The following SLIT3 variants were observed in gnomAD, a reference collection of about 807,000 sequenced individuals.
The protein encoded by SLIT3 is slit guidance ligand 3.
In SLIT3, 68 loss-of-function variants were observed where a neutral mutation model predicts 184.0. That is an observed-to-expected ratio of 0.37 (90% confidence interval 0.30 to 0.45). The LOEUF is 0.45. SLIT3 is among the 20% of genes least tolerant of loss of function. SLIT3 has a pLI of 1.00. For synonymous variants in SLIT3, 831 were observed against 828.6 expected (o/e 1.00, Z -0.05); for missense variants, 1,707 against 2,026.0 (o/e 0.84, Z 3.02).
chr5:168,934,214 A>G (rs1762081453), intron 4 of SLIT3, among the ~76,000 whole-genome samples: 7 of 152,204 alleles, frequency 4.6e-5, no homozygotes, highest in Admixed American at 4.6e-4. Context: ...ACCTGCCATC[A>G]ACTCCCCAAA....
chr5:168,836,432 C>A (rs890402531), intron 6 of SLIT3, among the ~76,000 whole-genome samples: 1 of 152,196 alleles, frequency 6.6e-6, no homozygotes, highest in African/African-American at 2.4e-5. Context: ...TGCAAATCAG[C>A]ACAGAAGCCC....
At chr5:169,183,421 C>T (rs148740805) in intron 4 of SLIT3, among the ~76,000 whole-genome samples, 33 of 152,194 alleles carry the variant, frequency 2.2e-4, no homozygotes, top group African/African-American at 6.5e-4. Flanking sequence ...TTTCTGAAGC[C>T]CTTACACATA....
chr5:168,669,836 C>T lies in SLIT3; in HGVS notation c.4283G>A (p.Gly1428Glu), dbSNP rs1046090423. 6.2e-7 allele frequency: 1 copy of T among 1,614,034 alleles called. No individual in the cohort carries two copies. Among genetic ancestry groups the T allele is most frequent in the African/African-American group, 1.3e-5 (1 of 74,928 alleles). ...GGGCTGGCACAGGCAGTAGGGCTCCCCTTGGTCTGAGATGTGGCACTGCCC... is the reference window on the plus strand; with the variant it reads ...GGGCTGGCACAGGCAGTAGGGCTCCTCTTGGTCTGAGATGTGGCACTGCCC... Reference protein sequence around the residue: ...HHGQCHISDQGEPYCLCQPGF... With the variant: ...HHGQCHISDQEEPYCLCQPGF... The change falls in exon 35 of 36, where the codon GGG (glycine) becomes GAG (glutamate). Residue 1428 changes from glycine to glutamate, a missense_variant. Physicochemically the swap from Gly to Glu is moderately conservative, Grantham distance 98 (BLOSUM62 -2). This residue lies in a region of SLIT3 where 387 missense variants were observed against 477.9 expected (regional missense o/e 0.81). Transcript: ENST00000519560.
chr5:168,806,900 G>T (rs1005630975), intron 8 of SLIT3, among the ~76,000 whole-genome samples: 2 of 152,170 alleles, frequency 1.3e-5, no homozygotes, highest in Non-Finnish European at 2.9e-5. Context: ...AGAATCCAAA[G>T]AGCATATGAT....
intron 4 of SLIT3, among the ~76,000 whole-genome samples, chr5:168,892,555 C>G (rs905398061): frequency 4.6e-5 from 7 of 152,150 alleles, no homozygotes; most frequent in Admixed American, 2.6e-4. Context: ...GGTTGAAAGC[C>G]CTGAATCCAG....
In SLIT3 at chr5:168,829,586, G is replaced by A. The variant is rs571325636; in HGVS notation, c.558-6255C>T. Among the ~76,000 whole-genome samples the A allele has an allele frequency of 9.8e-5, 15 of 152,314 alleles. No individual in the cohort carries two copies. In the South Asian group the frequency reaches 1.0e-3, roughly 11 times the overall value. On this transcript the variant is annotated intron_variant, in intron 6 of 35. Transcript: ENST00000519560. ...TTGGTAAGTCATCAGCCACCATGAC[G>A]ACAGGATATCTATTTAATAAAGTGG... is the stretch of plus-strand genomic sequence containing the variant.
At chr5:169,221,953 G>A (rs772824349) in intron 3 of SLIT3, among the ~76,000 whole-genome samples, 11 of 152,198 alleles carry the variant, frequency 7.2e-5, no homozygotes, top group Admixed American at 3.3e-4. Flanking sequence ...TACATAGGAT[G>A]TACAGGACAA....
At chr5:168,764,728 T>C (rs930358317) in intron 14 of SLIT3, among the ~76,000 whole-genome samples, 1 of 152,090 alleles carries the variant, frequency 6.6e-6, no homozygotes, top group African/African-American at 2.4e-5. Context: ...CTGCTCTCTC[T>C]CCATTTCCGC....
At chr5:169,047,837 C>T (rs912507364) in intron 4 of SLIT3, among the ~76,000 whole-genome samples, 4 of 152,062 alleles carry the variant, frequency 2.6e-5, no homozygotes, top group Admixed American at 6.6e-5. Context: ...GTCCTTAGCC[C>T]GTTTTCCTGA....
At chr5:168,916,463 G>A (rs1761437948) in intron 4 of SLIT3, among the ~76,000 whole-genome samples, 2 of 152,202 alleles carry the variant, frequency 1.3e-5, no homozygotes, top group South Asian at 2.1e-4. Context: ...ACAAAGGGGC[G>A]GGGCCCTGCA....
At chr5:169,102,426 T>C (rs1760056436) in intron 4 of SLIT3, among the ~76,000 whole-genome samples, 1 of 152,214 alleles carries the variant, frequency 6.6e-6, no homozygotes, top group Non-Finnish European at 1.5e-5. Context: ...AAGCCCTTCA[T>C]ATAAAATGGT....
chr5:168,839,665 C>T lies in SLIT3; in HGVS notation c.557+4919G>A, dbSNP rs375721381. Among the ~76,000 whole-genome samples the T allele has an allele frequency of 4.6e-5, 7 of 152,144 alleles. No individual in the cohort carries two copies. In the East Asian group the frequency reaches 9.6e-4, roughly 21 times the overall value. ...CTCCGGTTTAAAGAGAGCTAAGAGC[C>T]GGATCATCCCTTGTTTCTGTCACAG... On this transcript the variant is annotated intron_variant, in intron 6 of 35. Transcript: ENST00000519560.
chr5:169,100,997 C>T (rs1181457205), intron 4 of SLIT3, among the ~76,000 whole-genome samples: 1 of 152,164 alleles, frequency 6.6e-6, no homozygotes, highest in Admixed American at 6.5e-5. Flanking sequence ...CATTGGAGTC[C>T]TCCTTGGGCT....
intron 13 of SLIT3, 137 bp from the exon 14 acceptor site, chr5:168,773,081 G>C (rs777530853): frequency 1.5e-4 from 130 of 861,636 alleles, no homozygotes; most frequent in Non-Finnish European, 2.1e-4. Context: ...GAAGCCTTAG[G>C]GGGTGCTACT....
At chr5:169,039,461 C>T (rs1009950922) in intron 4 of SLIT3, among the ~76,000 whole-genome samples, 16 of 151,680 alleles carry the variant, frequency 1.1e-4, no homozygotes, top group Non-Finnish European at 1.6e-4. Flanking sequence ...GGACTATAGG[C>T]GCCTGCCACC....
At chr5:168,926,946 C>T (rs1761846162) in intron 4 of SLIT3, among the ~76,000 whole-genome samples, 2 of 152,032 alleles carry the variant, frequency 1.3e-5, no homozygotes, top group South Asian at 4.1e-4. Context: ...AGTGCAATTG[C>T]TTTGGAAAAC....
intron 1 of SLIT3, among the ~76,000 whole-genome samples, chr5:169,289,687 T>C (rs1452937067): frequency 6.6e-6 from 1 of 152,170 alleles, no homozygotes. Context: ...AATTCAATAC[T>C]AAGGCTATGG....
chr5:168,884,423 T>A lies in SLIT3; in HGVS notation c.414-1087A>T, dbSNP rs377601439. Reference sequence around the variant, plus strand: ...GATATAAAAGGTGTCTCTCTCTCTCTCTCTCACACACACACACACACAGTG... The same window carrying A: ...GATATAAAAGGTGTCTCTCTCTCTCACTCTCACACACACACACACACAGTG... On this transcript the variant is annotated intron_variant, in intron 4 of 35. Coordinates refer to ENST00000519560, the MANE Select transcript of SLIT3 (RefSeq NM_003062.4). Among the ~76,000 whole-genome samples, 217 of 137,898 alleles carry A rather than the reference T, an allele frequency of 1.6e-3. 2 individuals carry two copies. The highest frequency in any genetic ancestry group is 3.7e-3 in the Middle Eastern group (1 of 268). The allele number at this position is 137,898 out of a possible 152,430, so 90.5% of individuals were successfully genotyped here.
intron 8 of SLIT3, among the ~76,000 whole-genome samples, chr5:168,814,258 AG>A (rs1757257136): frequency 6.6e-6 from 1 of 152,156 alleles, no homozygotes. Context: ...TTAGCTAGGC[AG>A]GGTGGTAGGT....
Sources: gnomAD v4.1 joint callset for allele counts (sites outside exome capture counted in the v4.1 genomes callset) on GRCh38, gnomAD v4.1.1 for gene constraint, gnomAD v4.1.1 regional missense constraint, MANE v1.5 for transcripts, NCBI Gene and HGNC (gene_info 2026-07-23, HGNC 2026-07-21) for gene names.